The following ALDOA variants were observed in gnomAD, a reference collection of about 807,000 sequenced individuals.
The protein encoded by ALDOA is fructose-bisphosphate aldolase A.
ALDOA carries 26 observed loss-of-function variants against 43.9 expected under a neutral mutation model. That is an observed-to-expected ratio of 0.59 (90% CI 0.43 to 0.82). The LOEUF is 0.82. Among genes scored for constraint, ALDOA ranks in the 40% least tolerant of loss-of-function variants. ALDOA has a pLI of 0.00. For missense variants in ALDOA, 498 were observed against 549.5 expected (o/e 0.91, Z 0.94); for synonymous variants, 258 against 222.6 (o/e 1.16, Z -1.42).
rs773916193 is a variant in ALDOA at position 30,067,275 on chromosome 16, A to G, written c.183A>G (p.Ala61=). ...TTSTMPYQYP[A]LTPEQKKELS... is the part of the protein sequence containing the mutation. ...GCACCATGCCCTACCAATATCCAGC[A>G]CTGACCCCGGAGCAGAAGAAGGAGC... Residue 61 remains alanine, a synonymous_variant, in exon 3 of 10, where the codon GCA becomes GCG. Coordinates refer to ENST00000642816, the MANE Select transcript of ALDOA (RefSeq NM_001243177.4). The G allele has an allele frequency of 6.2e-7, 1 of 1,612,426 alleles. No individual in the cohort carries two copies. The highest frequency in any genetic ancestry group is 8.5e-7 in the Non-Finnish European group (1 of 1,180,004).
intron 7 of ALDOA, 40 bp downstream of exon 7, chr16:30,069,429 C>CG: frequency 6.2e-7 from 1 of 1,613,928 alleles, no homozygotes; most frequent in South Asian, 1.1e-5. Context: ...GGTGGCTGGC[C>CG]GGGGACCCTG....
At chr16:30,067,195 C>T (rs2072141134) in intron 2 of ALDOA, 39 bp from the exon 3 acceptor site, 1 of 1,611,478 alleles carries the variant, frequency 6.2e-7, no homozygotes, top group African/African-American at 1.3e-5. Flanking sequence ...ATGGGAAACC[C>T]TAGCTAACTA....
intron 4 of ALDOA, 40 bp downstream of exon 4, chr16:30,067,701 G>A: frequency 6.2e-7 from 1 of 1,610,942 alleles, no homozygotes; most frequent in Non-Finnish European, 8.5e-7. Context: ...TGAGATGGAA[G>A]TGGAGGAAGG....
chr16:30,068,564 CTG>C, intron 4 of ALDOA, 80 bp from the exon 5 acceptor site: 3 of 1,494,914 alleles, frequency 2.0e-6, no homozygotes, highest in Admixed American at 1.7e-5. Context: ...GATTCCACCA[CTG>C]TACTCCAGCC....
intron 6 of ALDOA, 75 bp from the exon 7 acceptor site, chr16:30,069,231 C>A: frequency 6.6e-7 from 1 of 1,520,626 alleles, no homozygotes; most frequent in Non-Finnish European, 9.1e-7. Flanking sequence ...ACGGTCTTGA[C>A]CAGTGGCTGT....
intron 1 of ALDOA, among the ~76,000 whole-genome samples, chr16:30,066,522 C>T (rs193058046): frequency 3.3e-5 from 5 of 152,380 alleles, no homozygotes; most frequent in African/African-American, 1.2e-4. Flanking sequence ...TTACCGCTTT[C>T]CTCGCCTCGG....
At chr16:30,069,784 C>T (rs759520049) in intron 8 of ALDOA, 46 bp from the exon 9 acceptor site, 19 of 1,613,164 alleles carry the variant, frequency 1.2e-5, no homozygotes, top group Non-Finnish European at 1.7e-6. Flanking sequence ...TGCCAGCTTC[C>T]TGGGTCTCTG....
At position 30,067,633 on chromosome 16, in the gene ALDOA, A is replaced by C. The variant is rs1259645861; in HGVS notation, c.458A>C (p.Lys153Thr). 1 of 1,614,142 alleles carries C rather than the reference A, an allele frequency of 6.2e-7. No individual in the cohort carries two copies. Among genetic ancestry groups the C allele is most frequent in the South Asian group, 1.1e-5 (1 of 91,086 alleles). Residue 153 changes from lysine to threonine, a missense_variant, in exon 4 of 10, where the codon AAA (lysine) becomes ACA (threonine). By Grantham distance (78) the Lys-to-Thr change is moderately conservative. Coordinates refer to ENST00000642816, the MANE Select transcript of ALDOA (RefSeq NM_001243177.4). ...GGGCGTCCCTTCCCCCAAGTTATCAAATCCAAGGGCGGTGTTGTGGGCATC... is the reference window on the plus strand; with the variant it reads ...GGGCGTCCCTTCCCCCAAGTTATCACATCCAAGGGCGGTGTTGTGGGCATC... ...DDGRPFPQVI[K>T]SKGGVVGIKV...
chr16:30,066,921 G>A lies in ALDOA; in HGVS notation c.24G>A (p.Gly8=). MARRKPE[G]SSFNMTHLSM... is the part of the protein sequence containing the mutation. Reference sequence around the variant, plus strand: ...CCATGGCAAGGCGCAAGCCAGAAGGGTCCAGCTTCAACATGACCCACCTGT... The same window carrying A: ...CCATGGCAAGGCGCAAGCCAGAAGGATCCAGCTTCAACATGACCCACCTGT... The change falls in exon 2 of 10, where the codon GGG becomes GGA. Residue 8 remains glycine (G), a synonymous_variant. Transcript: ENST00000642816. 1 of 1,550,770 alleles carries A rather than the reference G, an allele frequency of 6.4e-7. No individual in the cohort carries two copies. Among genetic ancestry groups the A allele is most frequent in the Non-Finnish European group, 8.7e-7 (1 of 1,147,066 alleles).
At chr16:30,069,467 C>T (rs752890295) in intron 7 of ALDOA, 32 bp from the exon 8 acceptor site, 1 of 1,614,058 alleles carries the variant, frequency 6.2e-7, no homozygotes, top group South Asian at 1.1e-5. Flanking sequence ...CTCCTCCACC[C>T]CACTACCCAC....
At position 30,070,109 on chromosome 16, in the gene ALDOA, C is replaced by G; in HGVS notation, c.1162-8C>G. 1.2e-6 allele frequency: 2 copies of G among 1,613,998 alleles called. No individual in the cohort carries two copies. Among genetic ancestry groups the G allele is most frequent in the South Asian group, 2.2e-5 (2 of 91,076 alleles). On this transcript the variant is annotated splice_polypyrimidine_tract_variant and splice_region_variant and intron_variant, in intron 9 of 9. Coordinates refer to ENST00000642816, the MANE Select transcript of ALDOA (RefSeq NM_001243177.4). The stretch of plus-strand genomic sequence containing the variant: ...AGCCCTTCTCACTCCACCCCTCTCC[C>G]TGCTTAGGCCAACAGCCTTGCCTGT...
At position 30,069,691 on chromosome 16, in the gene ALDOA, C is replaced by G. The variant is rs534465340; in HGVS notation, c.961+18C>G. 6.2e-7 allele frequency: 1 copy of G among 1,613,096 alleles called. No individual in the cohort carries two copies. The highest frequency in any genetic ancestry group is 8.5e-7 in the Non-Finnish European group (1 of 1,179,930). On this transcript the variant is annotated intron_variant, in intron 8 of 9. Coordinates refer to ENST00000642816, the MANE Select transcript of ALDOA (RefSeq NM_001243177.4). Reference sequence around the variant, plus strand: ...TGTCACTGGTGAGGCCCACACTCATCTTGATCTCTATGCAGTAGATAAGCT... The same window carrying G: ...TGTCACTGGTGAGGCCCACACTCATGTTGATCTCTATGCAGTAGATAAGCT...
rs201519764 is a variant in ALDOA, at chr16:30,069,317, G to A, written c.714G>A (p.Val238=). Residue 238 remains valine, a synonymous_variant, in exon 7 of 10, where the codon GTG becomes GTA. Coordinates refer to ENST00000642816, the MANE Select transcript of ALDOA (RefSeq NM_001243177.4). The part of the protein sequence containing the change: ...YASICQQNGI[V]PIVEPEILPD... ...CCCTCGCCCTGCAGAATGGCATTGT[G>A]CCCATCGTGGAGCCTGAGATCCTCC... 2.8e-5 allele frequency: 45 copies of A among 1,614,072 alleles called. No homozygotes were observed. Among genetic ancestry groups the A allele is most frequent in the Non-Finnish European group, 3.4e-5 (40 of 1,180,046 alleles).
upstream of ALDOA, chr16:30,064,339 G>A: frequency 2.5e-6 from 1 of 398,676 alleles, no homozygotes; most frequent in Non-Finnish European, 4.4e-6. Flanking sequence ...GGGAGTCAAG[G>A]GAGGAGGGAG....
intron 5 of ALDOA, 39 bp downstream of exon 5, chr16:30,068,739 A>G (rs369189014): frequency 2.5e-6 from 4 of 1,614,032 alleles, no homozygotes; most frequent in Non-Finnish European, 3.4e-6. Flanking sequence ...GAACCCAACC[A>G]GAGCAGGTTT....
chr16:30,069,506 C>T lies in ALDOA; in HGVS notation c.794C>T (p.Ala265Val). The T allele has an allele frequency of 6.2e-7, 1 of 1,614,146 alleles. No individual in the cohort carries two copies. The highest frequency in any genetic ancestry group is 2.2e-5 in the East Asian group (1 of 44,882). ...GCGCCTGCTCTGCTCCAGGTGCTGG[C>T]TGCTGTCTACAAGGCTCTGAGTGAC... The part of the protein sequence containing the change: ...RCQYVTEKVL[A>V]AVYKALSDHH... The change falls in exon 8 of 10, where the codon GCT becomes GTT. Residue 265 changes from alanine (A) to valine (V), a missense_variant. Transcript: ENST00000642816.
chr16:30,069,288 C>T lies in ALDOA; in HGVS notation c.703-18C>T. On this transcript the variant is annotated intron_variant, in intron 6 of 9. Coordinates refer to ENST00000642816, the MANE Select transcript of ALDOA (RefSeq NM_001243177.4). ...TGGGTTAGGAGGCCTCACAGTGACC[C>T]TGTCCCTCGCCCTGCAGAATGGCAT... The T allele has an allele frequency of 1.2e-6, 2 of 1,613,992 alleles. No individual in the cohort carries two copies. The highest frequency in any genetic ancestry group is 1.1e-5 in the South Asian group (1 of 91,074).
In ALDOA at chr16:30,067,566, G is replaced by A. The variant is rs200588805; in HGVS notation, c.391G>A (p.Val131Ile). 1 of 1,613,990 alleles carries A rather than the reference G, an allele frequency of 6.2e-7. No homozygotes were observed. The highest frequency in any genetic ancestry group is 2.2e-5 in the East Asian group (1 of 44,874). Residue 131 changes from valine to isoleucine, a missense_variant, in exon 4 of 10, where the codon GTC (valine) becomes ATC (isoleucine). Physicochemically the swap from Val to Ile is conservative, Grantham distance 29. Coordinates refer to ENST00000642816, the MANE Select transcript of ALDOA (RefSeq NM_001243177.4). ...CCGCGTGAACCCCTGCATTGGGGGT[G>A]TCATCCTCTTCCATGAGACACTCTA... ...DDRVNPCIGG[V>I]ILFHETLYQK...
chr16:30,065,497 C>G (rs911061257), upstream of ALDOA, among the ~76,000 whole-genome samples: 1 of 152,176 alleles, frequency 6.6e-6, no homozygotes, highest in South Asian at 2.1e-4. Context: ...CGCCCCAGAG[C>G]GCGCCAGGCT....
Sources: gnomAD v4.1 joint callset for allele counts (sites outside exome capture counted in the v4.1 genomes callset) on GRCh38, gnomAD v4.1.1 for gene constraint, MANE v1.5 for transcripts, NCBI Gene and HGNC (gene_info 2026-07-23, HGNC 2026-07-21) for gene names.